Variants in ASTN1 observed in about 807,000 individuals in gnomAD.
ASTN1 encodes the protein astrotactin 1, also known as astrotactin-1.
Under a neutral mutation model 140.7 loss-of-function variants are expected in ASTN1, and 41 were observed. The observed-to-expected ratio is 0.29, with a 90% CI of 0.23 to 0.38. ASTN1 has a LOEUF of 0.38. Among genes scored for constraint, ASTN1 ranks in the 10% least tolerant of loss-of-function variants. The pLI is 1.00. For synonymous variants in ASTN1, 640 were observed against 652.2 expected (o/e 0.98, Z 0.29); for missense variants, 1,479 against 1,678.8 (o/e 0.88, Z 2.08).
chr1:176,895,192 T>A (rs373498823), intron 16 of ASTN1, among the ~76,000 whole-genome samples: 1 of 152,240 alleles, frequency 6.6e-6, no homozygotes, highest in African/African-American at 2.4e-5. Context: ...ACGAATAGTA[T>A]CTATGTCTAG....
At chr1:177,075,659 T>G (rs1678866220) in intron 1 of ASTN1, among the ~76,000 whole-genome samples, 1 of 146,876 alleles carries the variant, frequency 6.8e-6, no homozygotes, top group South Asian at 2.2e-4. Flanking sequence ...TTTTTTTTTT[T>G]TTTTTGAGAC....
intron 1 of ASTN1, among the ~76,000 whole-genome samples, chr1:177,155,899 C>T (rs531518995): frequency 1.3e-5 from 2 of 152,124 alleles, no homozygotes; most frequent in African/African-American, 2.4e-5. Context: ...GCTGAGAGAG[C>T]CTAGAAGCAA....
At position 176,862,857 on chromosome 1, in the gene ASTN1, A is replaced by G. The variant is rs1400928848; in HGVS notation, c.*1427T>C. ...TTAGAAAAAAAACCAATATAGCTCA[A>G]TGACTAGCCTTATAGGTCTTGCATC... On this transcript the variant is annotated 3_prime_UTR_variant, in exon 23 of 23. Transcript: ENST00000361833. 4.1e-6 allele frequency: 4 copies of G among 985,318 alleles called. No homozygotes were observed. Among genetic ancestry groups the G allele is most frequent in the African/African-American group, 3.5e-5 (2 of 57,230 alleles). 61.0% of individuals were successfully genotyped at this position (985,318 alleles called of 1,614,324 possible).
In ASTN1 at chr1:176,957,497, GACTA is replaced by G. The variant is rs369843405; in HGVS notation, c.1887+177_1887+180del. On this transcript the variant is annotated intron_variant, in intron 11 of 22. Transcript: ENST00000361833. The stretch of plus-strand genomic sequence containing the variant: ...AGTAGGTACTCCATAACAACTTCTC[GACTA>G]ACTGATTCATGATTACCTTCTCATC... Among the ~76,000 whole-genome samples the G allele has an allele frequency of 2.9e-3, 441 of 152,050 alleles. 2 individuals are homozygous for G. Among genetic ancestry groups the G allele is most frequent in the East Asian group, 0.021 (108 of 5,158 alleles).
chr1:177,155,223 T>G lies in ASTN1; in HGVS notation c.283+9171A>C, dbSNP rs1309660311. Reference sequence around the variant, plus strand: ...TGGAAGTAAGGCATGGAGGATTAAATAGATGAAGGGTAGGAGATTTTGTAG... The same window carrying G: ...TGGAAGTAAGGCATGGAGGATTAAAGAGATGAAGGGTAGGAGATTTTGTAG... On this transcript the variant is annotated intron_variant, in intron 1 of 22. Transcript: ENST00000361833. Among the ~76,000 whole-genome samples, 4 of 152,168 alleles carry G rather than the reference T, an allele frequency of 2.6e-5. No homozygotes were observed. The East Asian group carries it at 7.7e-4, about 29-fold the overall frequency.
chr1:176,907,229 A>T (rs1468838856), intron 16 of ASTN1, among the ~76,000 whole-genome samples: 1 of 152,240 alleles, frequency 6.6e-6, no homozygotes, highest in Non-Finnish European at 1.5e-5. Flanking sequence ...ATCTTCAGAT[A>T]ACATGTTGAG....
intron 16 of ASTN1, among the ~76,000 whole-genome samples, chr1:176,914,348 G>A (rs1301232799): frequency 6.6e-6 from 1 of 152,168 alleles, no homozygotes; most frequent in Non-Finnish European, 1.5e-5. Context: ...GGAGGAATAT[G>A]TTCTGAAGAA....
At chr1:176,989,071 G>A (rs988376861) in intron 8 of ASTN1, among the ~76,000 whole-genome samples, 3 of 152,150 alleles carry the variant, frequency 2.0e-5, no homozygotes, top group South Asian at 2.1e-4. Flanking sequence ...TAATTAATAG[G>A]CTGAAACCCA....
chr1:176,981,566 G>A (rs779119132), intron 8 of ASTN1: 1 of 152,428 alleles, frequency 6.6e-6, no homozygotes, highest in Non-Finnish European at 1.5e-5. Context: ...ACAAGAAGAC[G>A]GAGGCAGAGA....
At position 176,945,993 on chromosome 1, in the gene ASTN1, T is replaced by C; in HGVS notation, c.2182A>G (p.Met728Val). 6.2e-7 allele frequency: 1 copy of C among 1,614,006 alleles called. No individual in the cohort carries two copies. Among genetic ancestry groups the C allele is most frequent in the Non-Finnish European group, 8.5e-7 (1 of 1,179,966 alleles). The change falls in exon 13 of 23, where the codon ATG becomes GTG. Residue 728 changes from methionine to valine, a missense_variant. Transcript: ENST00000361833. ...GAATGGTTGTTGTAACCAAAGAACA[T>C]CTCCCCAAAGAGGGTCTGGTTCATG... ...LPMNQTLFGE[M>V]FFGYNNHSKE...
intron 9 of ASTN1, among the ~76,000 whole-genome samples, chr1:176,964,152 G>A (rs1259157739): frequency 6.6e-6 from 1 of 152,202 alleles, no homozygotes; most frequent in African/African-American, 2.4e-5. Flanking sequence ...ACCTAAGCCA[G>A]GAATGGCTGA....
At chr1:177,123,321 C>T (rs1681489412) in intron 1 of ASTN1, among the ~76,000 whole-genome samples, 1 of 152,150 alleles carries the variant, frequency 6.6e-6, no homozygotes, top group African/African-American at 2.4e-5. Context: ...CATTAAGAAA[C>T]AAAAGGAAAA....
intron 17 of ASTN1, among the ~76,000 whole-genome samples, chr1:176,890,823 C>T (rs1471853941): frequency 4.6e-5 from 7 of 151,988 alleles, no homozygotes; most frequent in South Asian, 2.1e-4. Flanking sequence ...TTCAGAAGTT[C>T]GAGACCAGCC....
chr1:177,031,715 G>T (rs907124374), intron 3 of ASTN1, among the ~76,000 whole-genome samples: 1 of 152,162 alleles, frequency 6.6e-6, no homozygotes, highest in Non-Finnish European at 1.5e-5. Context: ...AGATAATTGG[G>T]CAGTTCTTTG....
chr1:176,948,860 C>T (rs1450097918), intron 12 of ASTN1, among the ~76,000 whole-genome samples: 2 of 152,168 alleles, frequency 1.3e-5, no homozygotes, highest in East Asian at 3.9e-4. Context: ...ATTAACATAG[C>T]CTTTCAAAAC....
At chr1:176,945,725 T>G (rs1195952003) in intron 13 of ASTN1, among the ~76,000 whole-genome samples, 1 of 152,254 alleles carries the variant, frequency 6.6e-6, no homozygotes, top group African/African-American at 2.4e-5. Flanking sequence ...ACTTTACTGT[T>G]AATCCAAACT....
At chr1:176,860,269 G>C (rs1667925324), downstream of ASTN1, among the ~76,000 whole-genome samples, 1 of 152,196 alleles carries the variant, frequency 6.6e-6, no homozygotes, top group Admixed American at 6.5e-5. Context: ...CACTTTATAT[G>C]GGAGGGGTGT....
chr1:176,985,871 CACA>C (rs1673878480), intron 8 of ASTN1, among the ~76,000 whole-genome samples: 1 of 151,194 alleles, frequency 6.6e-6, no homozygotes, highest in African/African-American at 2.4e-5. Flanking sequence ...CACACACACA[CACA>C]CACACACACA....
At chr1:176,859,794 C>A (rs1667911159), downstream of ASTN1, among the ~76,000 whole-genome samples, 1 of 152,146 alleles carries the variant, frequency 6.6e-6, no homozygotes, top group South Asian at 2.1e-4. Context: ...CACAAACAAG[C>A]AAACAAACAA....
Sources: allele counts gnomAD v4.1 joint callset (sites outside exome capture counted in the v4.1 genomes callset), GRCh38; gene constraint gnomAD v4.1.1; transcripts MANE v1.5; gene names NCBI Gene and HGNC (gene_info 2026-07-23, HGNC 2026-07-21).